MUC20: variants seen among roughly 807,000 people sequenced by gnomAD.
MUC20 encodes the protein mucin 20, cell surface associated, also known as mucin-20.
Under a neutral mutation model 23.8 loss-of-function variants are expected in MUC20, and 14 were observed. The observed-to-expected ratio is 0.59, with a 90% confidence interval of 0.39 to 0.92. The LOEUF is 0.92. Among genes scored for constraint, MUC20 ranks in the 40% least tolerant of loss-of-function variants. The pLI, the probability that MUC20 is intolerant of heterozygous loss-of-function variation, is 0.00. For synonymous variants in MUC20, 166 were observed against 279.3 expected (o/e 0.59, Z 4.04); for missense variants, 375 against 668.8 (o/e 0.56, Z 4.85).
At position 195,729,036 on chromosome 3, in the gene MUC20, C is replaced by T. The variant is rs919812465; in HGVS notation, c.1970-612C>T. ...ACAGGTCTTTTTCAAAATGGAGTCT[C>T]ATGTCTTTCCTTTCTACAGAGACAC... On this transcript the variant is annotated intron_variant, in intron 2 of 3. Coordinates refer to ENST00000447234, the MANE Select transcript of MUC20 (RefSeq NM_001282506.2). Among the ~76,000 whole-genome samples, 4 of 152,288 alleles carry T rather than the reference C, an allele frequency of 2.6e-5. No homozygotes were observed. The East Asian group carries it at 5.8e-4, about 22-fold the overall frequency.
chr3:195,727,672 G>A (rs1291979123), intron 2 of MUC20, among the ~76,000 whole-genome samples: 3 of 152,288 alleles, frequency 2.0e-5, no homozygotes, highest in African/African-American at 7.2e-5. Context: ...TATAGGCAGG[G>A]GTGATATAAA....
rs1316621555 is a variant in MUC20, at chr3:195,724,118, G to T, written c.77-562G>T. ...GGGGTGCCGTCTTTCCCTTGCTGGA[G>T]CCCCAAGGACTCTGCCGGCTCCCTC... is the stretch of plus-strand genomic sequence containing the variant. On this transcript the variant is annotated intron_variant, in intron 1 of 3. Coordinates refer to ENST00000447234, the MANE Select transcript of MUC20 (RefSeq NM_001282506.2). 9.8e-5 allele frequency: 4 copies of T among 40,812 alleles called. 2 individuals are homozygous for T. Among genetic ancestry groups the T allele is most frequent in the Non-Finnish European group, 1.8e-4 (4 of 21,806 alleles). 2.5% of individuals were successfully genotyped at this position (40,812 alleles called of 1,614,324 possible).
rs560563342 is a variant in MUC20 at position 195,726,151 on chromosome 3, G to A, written c.1548G>A (p.Thr516=). The change falls in exon 2 of 4, where the codon ACG becomes ACA. Residue 516 remains threonine (T), a synonymous_variant. Transcript: ENST00000447234. Reference sequence around the variant, plus strand: ...GAGAAGTGACAGCACCCGGGGCCACGACCCTCAGTGGAGCTCTGGTCACAG... The same window carrying A: ...GAGAAGTGACAGCACCCGGGGCCACAACCCTCAGTGGAGCTCTGGTCACAG... ...TEREVTAPGA[T]TLSGALVTVS... 1.2e-5 allele frequency: 19 copies of A among 1,609,078 alleles called. 1 individual carries two copies. The highest frequency in any genetic ancestry group is 1.7e-4 in the Middle Eastern group (1 of 6,018).
chr3:195,726,167 C>T lies in MUC20; in HGVS notation c.1564C>T (p.Leu522=), dbSNP rs1268001985. 3 of 1,608,916 alleles carry T rather than the reference C, an allele frequency of 1.9e-6. No individual in the cohort carries two copies. Among genetic ancestry groups the T allele is most frequent in the Non-Finnish European group, 2.6e-6 (3 of 1,176,100 alleles). Residue 522 remains leucine (L), a synonymous_variant, in exon 2 of 4, where the codon CTG becomes TTG. Transcript: ENST00000447234. The stretch of plus-strand genomic sequence containing the variant: ...CGGGGCCACGACCCTCAGTGGAGCT[C>T]TGGTCACAGTTAGCAGGAATCCCCT... ...APGATTLSGA[L]VTVSRNPLEE... is the part of the protein sequence containing the mutation.
Position 195,722,256 on chromosome 3 carries a change from C to T in MUC20, c.76+1173C>T, listed in dbSNP as rs1423267128. 3 of 984,374 alleles carry T rather than the reference C, an allele frequency of 3.0e-6. 1 individual carries two copies. In the African/African-American group the frequency reaches 5.3e-5, roughly 17 times the overall value. The allele number at this position is 984,374 out of a possible 1,614,324, so 61.0% of individuals were successfully genotyped here. A position where few individuals can be genotyped will look rare whatever the true frequency, so the allele number is the denominator to read the frequency against. Reference sequence around the variant, plus strand: ...CTGCTTTAAGGGTGAGGCCACTGTGCTTCTGGGCATCCAGTAACAACTCCT... The same window carrying T: ...CTGCTTTAAGGGTGAGGCCACTGTGTTTCTGGGCATCCAGTAACAACTCCT... On this transcript the variant is annotated intron_variant, in intron 1 of 3. Transcript: ENST00000447234.
chr3:195,726,035 G>T lies in MUC20; in HGVS notation c.1432G>T (p.Ala478Ser). The T allele has an allele frequency of 6.2e-7, 1 of 1,614,014 alleles. No homozygotes were observed. The highest frequency in any genetic ancestry group is 1.1e-5 in the South Asian group (1 of 91,078). ...ACACATCACTGAGGTCACAGCCTCT[G>T]CCGAGACCCTGTCCACAGCCGGCAC... is the stretch of plus-strand genomic sequence containing the variant. The part of the protein sequence containing the change: ...KPHITEVTAS[A>S]ETLSTAGTTE... Residue 478 changes from alanine to serine, a missense_variant, in exon 2 of 4, where the codon GCC becomes TCC. Physicochemically the swap from Ala to Ser is moderately conservative, Grantham distance 99 (BLOSUM62 1). Around this residue, in one of 4 missense-constraint regions of MUC20, gnomAD observed 343 missense variants for 340.2 expected, o/e 1.01. Coordinates refer to ENST00000447234, the MANE Select transcript of MUC20 (RefSeq NM_001282506.2).
chr3:195,730,743 G>A (rs562433758), intron 3 of MUC20, among the ~76,000 whole-genome samples: 1 of 152,342 alleles, frequency 6.6e-6, no homozygotes, highest in South Asian at 2.1e-4. Flanking sequence ...GGATCCCATA[G>A]AGGAAGGATG....
chr3:195,726,012 A>G lies in MUC20; in HGVS notation c.1409A>G (p.His470Arg). The part of the protein sequence containing the change: ...ALPDSTEAKP[H>R]ITEVTASAET... ...CCTGACTCCACTGAAGCAAAACCAC[A>G]CATCACTGAGGTCACAGCCTCTGCC... The change falls in exon 2 of 4, where the codon CAC becomes CGC. Residue 470 changes from histidine (H) to arginine (R), a missense_variant. By Grantham distance (29) the His-to-Arg change is conservative. Transcript: ENST00000447234. 3.7e-6 allele frequency: 6 copies of G among 1,613,982 alleles called. No homozygotes were observed. Among genetic ancestry groups the G allele is most frequent in the Non-Finnish European group, 5.1e-6 (6 of 1,179,876 alleles).
intron 3 of MUC20, among the ~76,000 whole-genome samples, chr3:195,730,877 C>T (rs548146013): frequency 1.3e-5 from 2 of 152,388 alleles, no homozygotes; most frequent in Non-Finnish European, 1.5e-5. Flanking sequence ...CTGGATAGAA[C>T]TTCCAATGGT....
chr3:195,728,623 A>G (rs1323433349), intron 2 of MUC20, among the ~76,000 whole-genome samples: 2 of 151,964 alleles, frequency 1.3e-5, no homozygotes, highest in African/African-American at 4.8e-5. Flanking sequence ...GCCTTCCTCT[A>G]TCTCAACTGC....
intron 2 of MUC20, among the ~76,000 whole-genome samples, chr3:195,729,144 T>C (rs1713077062): frequency 6.6e-6 from 1 of 152,272 alleles, no homozygotes; most frequent in African/African-American, 2.4e-5. Flanking sequence ...TTCATATGAT[T>C]TGAAATGGAA....
rs1712552538 is a variant in MUC20, at chr3:195,725,796, C to CGT, written c.1193_1194insGT (p.Trp400HisfsTer16). ...GACGGCCCCCATCCAGTCATCACCC[C>CGT]CTCATGGTCCCCGGGATCTGACGTC... On this transcript the variant is annotated frameshift_variant, in exon 2 of 4. Transcript: ENST00000447234. LOFTEE classifies it high-confidence loss of function. 2 of 1,550,670 alleles carry CGT rather than the reference C, an allele frequency of 1.3e-6. No homozygotes were observed. The highest frequency in any genetic ancestry group is 4.7e-5 in the East Asian group (2 of 42,970).
intron 3 of MUC20, among the ~76,000 whole-genome samples, chr3:195,731,233 C>T (rs1352369379): frequency 6.6e-6 from 1 of 152,206 alleles, no homozygotes; most frequent in Non-Finnish European, 1.5e-5. Context: ...TCAATGGGTG[C>T]CACACTGCTG....
intron 3 of MUC20, 73 bp downstream of exon 3, chr3:195,729,812 CAGG>C: frequency 7.1e-7 from 1 of 1,404,196 alleles, no homozygotes; most frequent in Non-Finnish European, 9.8e-7. Flanking sequence ...GGAAGACCCG[CAGG>C]ACACAGAAGA....
chr3:195,721,281 C>T (rs1261790197), intron 1 of MUC20, among the ~76,000 whole-genome samples, 198 bp downstream of exon 1: 1 of 151,858 alleles, frequency 6.6e-6, no homozygotes, highest in Admixed American at 6.6e-5. Flanking sequence ...GTGCATGGCG[C>T]TGCAGTACAC....
At position 195,726,188 on chromosome 3, in the gene MUC20, C is replaced by G; in HGVS notation, c.1585C>G (p.Pro529Ala). The change falls in exon 2 of 4, where the codon CCC becomes GCC. Residue 529 changes from proline (P) to alanine (A), a missense_variant. By Grantham distance (27) the Pro-to-Ala change is conservative. Transcript: ENST00000447234. ...SGALVTVSRNPLEETSALSVE... is the reference protein window; with the variant it reads ...SGALVTVSRNALEETSALSVE... The stretch of plus-strand genomic sequence containing the variant: ...AGCTCTGGTCACAGTTAGCAGGAAT[C>G]CCCTTGAAGAAACCTCAGCCCTCTC... 1 of 1,609,088 alleles carries G rather than the reference C, an allele frequency of 6.2e-7. No individual in the cohort carries two copies. Among genetic ancestry groups the G allele is most frequent in the East Asian group, 2.2e-5 (1 of 44,888 alleles).
intron 3 of MUC20, among the ~76,000 whole-genome samples, chr3:195,732,359 C>A (rs911602170): frequency 6.8e-6 from 1 of 146,942 alleles, no homozygotes; most frequent in African/African-American, 2.5e-5. Flanking sequence ...TTTTTCTTTT[C>A]TTTTCTTTTA....
At chr3:195,727,603 A>G (rs1712832145) in intron 2 of MUC20, among the ~76,000 whole-genome samples, 1 of 152,270 alleles carries the variant, frequency 6.6e-6, no homozygotes, top group African/African-American at 2.4e-5. Flanking sequence ...GGAGGTGGGA[A>G]TACAAATATT....
At chr3:195,727,255 C>G (rs1712794302) in intron 2 of MUC20, among the ~76,000 whole-genome samples, 1 of 152,252 alleles carries the variant, frequency 6.6e-6, no homozygotes, top group South Asian at 2.1e-4. Flanking sequence ...TGAAAATTAG[C>G]TGGGCGCAGT....
Sources: gnomAD v4.1 joint callset for allele counts (sites outside exome capture counted in the v4.1 genomes callset) on GRCh38, gnomAD v4.1.1 for gene constraint, gnomAD v4.1.1 regional missense constraint, MANE v1.5 for transcripts, NCBI Gene and HGNC (gene_info 2026-07-23, HGNC 2026-07-21) for gene names.